SV2B: variants seen among roughly 807,000 people sequenced by gnomAD.
SV2B encodes synaptic vesicle glycoprotein 2B, also known as solute carrier family 22 member B2.
Under a neutral mutation model 73.9 loss-of-function variants are expected in SV2B, and 41 were observed. The observed-to-expected ratio is 0.56, with a 90% CI of 0.43 to 0.72. The LOEUF (loss-of-function observed/expected upper bound fraction) is 0.72, where lower values mean the gene tolerates loss of function less well. SV2B is among the 30% of genes least tolerant of loss of function. The probability of loss-of-function intolerance (pLI) is 0.00; values close to 1 mark genes in which losing one functional copy is unlikely to be tolerated. For synonymous variants in SV2B, 314 were observed against 314.2 expected (o/e 1.00, Z 0.01); for missense variants, 764 against 857.8 (o/e 0.89, Z 1.37).
chr15:91,269,183 ACTC>A (rs769151900), intron 9 of SV2B, among the ~76,000 whole-genome samples: 2 of 150,458 alleles, frequency 1.3e-5, no homozygotes, highest in East Asian at 3.9e-4. Flanking sequence ...AATCCATTTT[ACTC>A]CTCCTCCTCC....
At chr15:91,156,317 G>T (rs16945273) in intron 1 of SV2B, among the ~76,000 whole-genome samples, 11,758 of 152,214 alleles carry the variant, frequency 0.077, 508 homozygotes, top group Non-Finnish European at 0.09. Context: ...ACGGACTTCT[G>T]AGAGATGGGT....
chr15:91,244,655 T>C (rs898620423), intron 2 of SV2B, among the ~76,000 whole-genome samples: 2 of 152,206 alleles, frequency 1.3e-5, no homozygotes, highest in African/African-American at 4.8e-5. Flanking sequence ...AAGTGAGAGT[T>C]CTTTGTGGGA....
Position 91,258,402 on chromosome 15 carries a change from A to G in SV2B, c.785-19A>G. ...AAGATCATGTCCCAGAAATCCTTTG[A>G]CTGACTGCTCCTTTGCAGGCTGGGG... is the stretch of plus-strand genomic sequence containing the variant. On this transcript the variant is annotated intron_variant, in intron 4 of 12. Transcript: ENST00000394232. The surrounding 1 kb of genome is among the most constrained non-coding windows in gnomAD (Gnocchi z 4.7). The G allele has an allele frequency of 1.2e-6, 2 of 1,613,338 alleles. No homozygotes were observed. Among genetic ancestry groups the G allele is most frequent in the Non-Finnish European group, 1.7e-6 (2 of 1,179,638 alleles).
intron 9 of SV2B, among the ~76,000 whole-genome samples, chr15:91,270,961 G>A (rs1245715374): frequency 1.2e-4 from 17 of 147,234 alleles, no homozygotes; most frequent in Middle Eastern, 3.5e-3. Context: ...AGGACGGTGA[G>A]TCCTGTGGAT....
In SV2B at chr15:91,283,439, A is replaced by G. The variant is rs1700745428; in HGVS notation, c.1508-582A>G. Among the ~76,000 whole-genome samples, 1 of 145,128 alleles carries G rather than the reference A, an allele frequency of 6.9e-6. No individual in the cohort carries two copies. Among genetic ancestry groups the G allele is most frequent in the Admixed American group, 6.9e-5 (1 of 14,542 alleles). The stretch of plus-strand genomic sequence containing the variant: ...GGACTGTTATCCAGCTGGAGAGATG[A>G]TTTTTTTTTTTTTAAAGGCAAGGTC... On this transcript the variant is annotated intron_variant, in intron 10 of 12. Coordinates refer to ENST00000394232, the MANE Select transcript of SV2B (RefSeq NM_001323032.3). The surrounding 1 kb of genome is among the most constrained non-coding windows in gnomAD (Gnocchi z 4.3).
rs188477177 is a variant in SV2B at position 91,115,623 on chromosome 15, C to T, written c.-392+15260C>T. On this transcript the variant is annotated intron_variant, in intron 1 of 12. Coordinates refer to ENST00000394232, the MANE Select transcript of SV2B (RefSeq NM_001323032.3). The surrounding 1 kb of genome is among the most constrained non-coding windows in gnomAD (Gnocchi z 4.3). ...AACTCCTGAACTCAAGCGATCCACC[C>T]GCCTCGACCTCTCAAAGTGCTGGGA... Among the ~76,000 whole-genome samples the T allele has an allele frequency of 1.8e-4, 27 of 152,082 alleles. No individual in the cohort carries two copies. Among genetic ancestry groups the T allele is most frequent in the East Asian group, 7.7e-4 (4 of 5,180 alleles).
intron 6 of SV2B, among the ~76,000 whole-genome samples, chr15:91,260,999 A>G (rs1280059831): frequency 2.0e-5 from 3 of 152,196 alleles, no homozygotes; most frequent in Admixed American, 2.0e-4. Flanking sequence ...TTTGTGTGGG[A>G]ACGCAGAGCC....
intron 1 of SV2B, among the ~76,000 whole-genome samples, chr15:91,188,346 C>A: frequency 6.6e-6 from 1 of 151,640 alleles, no homozygotes. Flanking sequence ...CAGAGTCTTG[C>A]TCTGTTGCCC....
chr15:91,232,024 A>G lies in SV2B; in HGVS notation c.451+5310A>G, dbSNP rs1284212511. On this transcript the variant is annotated intron_variant, in intron 2 of 12. Transcript: ENST00000394232. This position sits in a 1 kb window ranked among gnomAD's most constrained non-coding sequence, Gnocchi z 4.7. Reference sequence around the variant, plus strand: ...AAAGATTATCTTGTGATTGTTTTATATGCAAATTCTAGCCGAGCATCAGGG... The same window carrying G: ...AAAGATTATCTTGTGATTGTTTTATGTGCAAATTCTAGCCGAGCATCAGGG... Among the ~76,000 whole-genome samples the G allele has an allele frequency of 4.6e-5, 7 of 152,320 alleles. No homozygotes were observed. Among genetic ancestry groups the G allele is most frequent in the Admixed American group, 3.9e-4 (6 of 15,304 alleles).
In SV2B at chr15:91,111,985, T is replaced by A. The variant is rs554954668; in HGVS notation, c.-392+11622T>A. Among the ~76,000 whole-genome samples, 16 of 152,224 alleles carry A rather than the reference T, an allele frequency of 1.1e-4. 1 individual carries two copies. In the South Asian group the frequency reaches 3.3e-3, roughly 32 times the overall value. On this transcript the variant is annotated intron_variant, in intron 1 of 12. Coordinates refer to ENST00000394232, the MANE Select transcript of SV2B (RefSeq NM_001323032.3). The stretch of plus-strand genomic sequence containing the variant: ...ACCATTCATGAGAAATGTACCCCCA[T>A]GATCCTATTACCTTCCACCAGGCCC...
At chr15:91,101,638 A>G (rs1448086409) in intron 1 of SV2B, among the ~76,000 whole-genome samples, 1 of 152,114 alleles carries the variant, frequency 6.6e-6, no homozygotes, top group African/African-American at 2.4e-5. Flanking sequence ...ATAAAAATGA[A>G]GCCCTCATGG....
chr15:91,171,946 C>A (rs1484256766), intron 1 of SV2B, among the ~76,000 whole-genome samples: 2 of 152,110 alleles, frequency 1.3e-5, no homozygotes, highest in African/African-American at 2.4e-5. Context: ...AAACAGCAAT[C>A]CATATCACTC....
chr15:91,275,051 T>G (rs541909773), intron 9 of SV2B, among the ~76,000 whole-genome samples: 8 of 152,160 alleles, frequency 5.3e-5, no homozygotes, highest in Non-Finnish European at 7.4e-5. Context: ...AATTAATATA[T>G]AGTTAGGTCT....
rs2042593357 is a variant in SV2B at position 91,129,989 on chromosome 15, A to G, written c.-392+29626A>G. Among the ~76,000 whole-genome samples, 1 of 152,192 alleles carries G rather than the reference A, an allele frequency of 6.6e-6. No individual in the cohort carries two copies. The highest frequency in any genetic ancestry group is 2.4e-5 in the African/African-American group (1 of 41,444). The stretch of plus-strand genomic sequence containing the variant: ...GGTGATATTAACAACCATTCCAAGG[A>G]GATGGCCGTCAACGCTAGGGGTGGA... On this transcript the variant is annotated intron_variant, in intron 1 of 12. Transcript: ENST00000394232. This position sits in a 1 kb window ranked among gnomAD's most constrained non-coding sequence, Gnocchi z 5.1.
chr15:91,164,911 T>C (rs1337543125), intron 1 of SV2B, among the ~76,000 whole-genome samples: 1 of 152,240 alleles, frequency 6.6e-6, no homozygotes, highest in South Asian at 2.1e-4. Flanking sequence ...AGGGGACTTG[T>C]ACTTTTCCTT....
intron 1 of SV2B, among the ~76,000 whole-genome samples, chr15:91,192,803 C>A (rs1207664771): frequency 6.6e-6 from 1 of 152,176 alleles, no homozygotes; most frequent in African/African-American, 2.4e-5. Flanking sequence ...CTTCTTTTTA[C>A]GATGCAGACC....
chr15:91,149,562 T>C (rs1239329480), intron 1 of SV2B, among the ~76,000 whole-genome samples: 17 of 152,224 alleles, frequency 1.1e-4, no homozygotes, highest in Admixed American at 1.1e-3. Flanking sequence ...AATTGAACTG[T>C]AGACTTTACA....
chr15:91,189,493 G>T (rs903951878), intron 1 of SV2B, among the ~76,000 whole-genome samples: 1 of 151,968 alleles, frequency 6.6e-6, no homozygotes, highest in African/African-American at 2.4e-5. Flanking sequence ...TATATATGTA[G>T]TTCGATACTT....
chr15:91,288,662 T>C lies in SV2B; in HGVS notation c.1709-859T>C, dbSNP rs2048942399. ...CTTTCTTTCTCTCTCTCTCTCTCCT[T>C]CCTTCCTTCCTTCTTTTTCTCTTTC... On this transcript the variant is annotated intron_variant, in intron 11 of 12. Transcript: ENST00000394232. The surrounding 1 kb of genome is among the most constrained non-coding windows in gnomAD (Gnocchi z 5.8). Among the ~76,000 whole-genome samples the C allele has an allele frequency of 6.6e-6, 1 of 151,204 alleles. No individual in the cohort carries two copies. The highest frequency in any genetic ancestry group is 6.6e-5 in the Admixed American group (1 of 15,164).
Sources: allele counts gnomAD v4.1 joint callset (sites outside exome capture counted in the v4.1 genomes callset), GRCh38; gene constraint gnomAD v4.1.1; non-coding constraint Gnocchi (gnomAD v3.1); transcripts MANE v1.5; gene names NCBI Gene and HGNC (gene_info 2026-07-23, HGNC 2026-07-21).